BLM: variants seen among roughly 807,000 people sequenced by gnomAD.
The protein encoded by BLM is BLM RecQ like helicase, also known as recQ-like DNA helicase BLM.
A neutral mutation model predicts 135.3 loss-of-function variants in BLM; 95 were observed. The ratio of observed to expected loss-of-function variants is 0.70; its 90% CI spans 0.59 to 0.83. The LOEUF is 0.83. Ranked by LOEUF, BLM falls within the 40% of genes least tolerant of loss-of-function variation. The pLI is 0.00. For synonymous variants in BLM, 520 were observed against 589.2 expected, an observed-to-expected ratio of 0.88 and a Z score of 1.70; for missense variants, 1,518 against 1,663.9, an observed-to-expected ratio of 0.91 and a Z score of 1.53.
intron 3 of BLM, among the ~76,000 whole-genome samples, chr15:90,751,055 A>T (rs1025071857): frequency 3.3e-5 from 5 of 152,256 alleles, no homozygotes; most frequent in African/African-American, 1.2e-4. Flanking sequence ...CTCTAATTGC[A>T]CTATTAAAGT....
At chr15:90,759,753 C>T (rs1162500791) in intron 5 of BLM, among the ~76,000 whole-genome samples, 2 of 151,818 alleles carry the variant, frequency 1.3e-5, no homozygotes, top group Non-Finnish European at 2.9e-5. Flanking sequence ...ATTACAGACA[C>T]GCACCACCAT....
intron 12 of BLM, 107 bp downstream of exon 12, chr15:90,769,693 C>A: frequency 7.5e-7 from 1 of 1,325,562 alleles, no homozygotes; most frequent in African/African-American, 1.5e-5. Flanking sequence ...CCCACCCCCA[C>A]CCCACCCCCA....
rs1327329998 is a variant in BLM at position 90,760,480 on chromosome 15, A to T, written c.1221-114A>T. The stretch of plus-strand genomic sequence containing the variant: ...TTCATGTTTTTAAGATTGGGAAAAA[A>T]GCGAATATATTTTGCTACAATTTCT... On this transcript the variant is annotated intron_variant, in intron 6 of 21. Coordinates refer to ENST00000355112, the MANE Select transcript of BLM (RefSeq NM_000057.4). 14 of 1,326,680 alleles carry T rather than the reference A, an allele frequency of 1.1e-5. No homozygotes were observed. In the East Asian group the frequency reaches 2.8e-4, roughly 26 times the overall value. The allele number at this position is 1,326,680 out of a possible 1,614,324, so 82.2% of individuals were successfully genotyped here.
intron 19 of BLM, among the ~76,000 whole-genome samples, chr15:90,805,079 A>G (rs1190177504): frequency 6.6e-6 from 1 of 150,792 alleles, no homozygotes; most frequent in Non-Finnish European, 1.5e-5. Context: ...CAGGTGATCC[A>G]CCCACCTCGG....
chr15:90,757,481 A>G (rs1354146428), intron 5 of BLM, among the ~76,000 whole-genome samples: 1 of 152,066 alleles, frequency 6.6e-6, no homozygotes, highest in African/African-American at 2.4e-5. Context: ...TTCCAATCTG[A>G]TGCTTGTTTT....
intron 16 of BLM, among the ~76,000 whole-genome samples, chr15:90,794,634 G>T (rs1596260343): frequency 6.6e-6 from 1 of 150,970 alleles, no homozygotes; most frequent in East Asian, 1.9e-4. Context: ...GAATATTTTA[G>T]AAATATTAAT....
At chr15:90,782,619 G>A (rs1174240172) in intron 12 of BLM, among the ~76,000 whole-genome samples, 1 of 152,090 alleles carries the variant, frequency 6.6e-6, no homozygotes, top group Non-Finnish European at 1.5e-5. Flanking sequence ...GGTGGGGAGA[G>A]CCAGCAAGGT....
At chr15:90,785,290 T>C (rs932025897) in intron 14 of BLM, among the ~76,000 whole-genome samples, 1 of 152,200 alleles carries the variant, frequency 6.6e-6, no homozygotes, top group South Asian at 2.1e-4. Context: ...TCACATATCA[T>C]AAAATTTATC....
chr15:90,776,063 C>T lies in BLM; in HGVS notation c.2555+6477C>T, dbSNP rs183334505. On this transcript the variant is annotated intron_variant, in intron 12 of 21. Coordinates refer to ENST00000355112, the MANE Select transcript of BLM (RefSeq NM_000057.4). Reference sequence around the variant, plus strand: ...TATTTCTTATTTTTATGGATGTAAGCACTAAGAAATATTGCTCACATAAAC... The same window carrying T: ...TATTTCTTATTTTTATGGATGTAAGTACTAAGAAATATTGCTCACATAAAC... Among the ~76,000 whole-genome samples the T allele has an allele frequency of 2.6e-5, 4 of 152,174 alleles. No individual in the cohort carries two copies. In the East Asian group the frequency reaches 7.7e-4, roughly 29 times the overall value.
At position 90,801,148 on chromosome 15, in the gene BLM, CA is replaced by C. The variant is rs761513801; in HGVS notation, c.3359-2361del. The stretch of plus-strand genomic sequence containing the variant: ...TGGGTGACAGAGCAAGACTCCATCT[CA>C]AAAAAAAAAAAGTTGTAAAAAAAAA... On this transcript the variant is annotated intron_variant, in intron 17 of 21. Transcript: ENST00000355112. Among the ~76,000 whole-genome samples, 811 of 134,548 alleles carry C rather than the reference CA, an allele frequency of 6.0e-3. 6 individuals carry two copies. Among genetic ancestry groups the C allele is most frequent in the African/African-American group, 0.022 (738 of 33,870 alleles). The allele number at this position is 134,548 out of a possible 152,430, so 88.3% of individuals were successfully genotyped here. A position where few individuals can be genotyped will look rare whatever the true frequency, so the allele number is the denominator to read the frequency against.
chr15:90,753,093 G>A (rs922733945), intron 4 of BLM, among the ~76,000 whole-genome samples: 2 of 152,156 alleles, frequency 1.3e-5, no homozygotes, highest in African/African-American at 2.4e-5. Context: ...TGCTGGGTGC[G>A]GTGGCATGGT....
chr15:90,743,410 C>T (rs868236481), intron 1 of BLM, among the ~76,000 whole-genome samples: 1 of 152,090 alleles, frequency 6.6e-6, no homozygotes, highest in African/African-American at 2.4e-5. Context: ...TTTTTAGTTT[C>T]TGGTTGCTCA....
chr15:90,740,856 T>G (rs1366789313), intron 1 of BLM, among the ~76,000 whole-genome samples: 1 of 152,238 alleles, frequency 6.6e-6, no homozygotes, highest in Non-Finnish European at 1.5e-5. Flanking sequence ...GCCCCTCCTT[T>G]GCCTTCTGCC....
chr15:90,732,582 C>A (rs1331709985), intron 1 of BLM, among the ~76,000 whole-genome samples: 4 of 143,450 alleles, frequency 2.8e-5, no homozygotes, highest in South Asian at 2.2e-4. Flanking sequence ...CACAGCATAT[C>A]AGATTCTTAA....
At chr15:90,719,750 A>G (rs1894717007) in intron 1 of BLM, among the ~76,000 whole-genome samples, 1 of 152,122 alleles carries the variant, frequency 6.6e-6, no homozygotes, top group Admixed American at 6.5e-5. Flanking sequence ...ATATATTTTA[A>G]TTTACATATA....
At chr15:90,769,718 C>T (rs1896252736) in intron 12 of BLM, 132 bp downstream of exon 12, 5 of 1,066,460 alleles carry the variant, frequency 4.7e-6, no homozygotes, top group Non-Finnish European at 6.7e-6. Flanking sequence ...CAAGTTGTAA[C>T]CCGATGGCAG....
rs150695635 is a variant in BLM, at chr15:90,776,260, C to T, written c.2556-6562C>T. Among the ~76,000 whole-genome samples, 56 of 152,242 alleles carry T rather than the reference C, an allele frequency of 3.7e-4. No individual in the cohort carries two copies. The East Asian group carries it at 9.4e-3, about 26-fold the overall frequency. ...TTTGTGGTAAGCAAAGAATTGGAAA[C>T]TCTCTGGGAAAATAAGCAAGATCAA... On this transcript the variant is annotated intron_variant, in intron 12 of 21. Coordinates refer to ENST00000355112, the MANE Select transcript of BLM (RefSeq NM_000057.4).
At chr15:90,723,636 G>A (rs143405639) in intron 1 of BLM, among the ~76,000 whole-genome samples, 2,336 of 152,228 alleles carry the variant, frequency 0.015, 32 homozygotes, top group Non-Finnish European at 0.024. Flanking sequence ...CTGAGTGACA[G>A]AGCAAGACCT....
intron 19 of BLM, among the ~76,000 whole-genome samples, chr15:90,808,582 G>A (rs28385147): frequency 6.6e-6 from 1 of 152,242 alleles, no homozygotes; most frequent in Non-Finnish European, 1.5e-5. Context: ...CTAGCTGCAA[G>A]ACTGATATGC....
Sources: allele counts gnomAD v4.1 joint callset (sites outside exome capture counted in the v4.1 genomes callset), GRCh38; gene constraint gnomAD v4.1.1; transcripts MANE v1.5; gene names NCBI Gene and HGNC (gene_info 2026-07-23, HGNC 2026-07-21).